BRCC3: variants seen among roughly 807,000 people sequenced by gnomAD.
The protein encoded by BRCC3 is lys-63-specific deubiquitinase BRCC36.
Under a neutral mutation model 28.0 loss-of-function variants are expected in BRCC3, and 15 were observed. The ratio of observed to expected loss-of-function variants is 0.54; its 90% CI spans 0.36 to 0.82. BRCC3 has a LOEUF of 0.82. BRCC3 is among the 40% of genes least tolerant of loss of function. BRCC3 has a pLI of 0.01. For synonymous variants in BRCC3, 66 were observed against 80.3 expected (o/e 0.82, Z 0.95); for missense variants, 109 against 225.9 (o/e 0.48, Z 3.32).
chrX:155,108,559 T>C lies in BRCC3; in HGVS notation c.549-7498T>C, dbSNP rs1405433382. 1.1e-4 allele frequency among the ~76,000 whole-genome samples: 12 copies of C among 112,408 alleles called. No homozygotes were observed. The Admixed American group carries it at 1.1e-3, about 11-fold the overall frequency. ...AACAGCTTCACTGACAATTAGTATTTTCTGACTTTTTCATTTTTTGCAGTT... is the reference window on the plus strand; with the variant it reads ...AACAGCTTCACTGACAATTAGTATTCTCTGACTTTTTCATTTTTTGCAGTT... On this transcript the variant is annotated intron_variant, in intron 7 of 10. Coordinates refer to ENST00000330045, the MANE Select transcript of BRCC3 (RefSeq NM_001018055.3).
At chrX:155,113,995 A>G (rs2074338588) in intron 7 of BRCC3, among the ~76,000 whole-genome samples, 1 of 111,587 alleles carries the variant, frequency 9.0e-6, no homozygotes, top group Admixed American at 9.5e-5. Flanking sequence ...AATATGGAGG[A>G]GTTGGAGCCC....
At chrX:155,088,352 C>CT (rs781981831) in intron 5 of BRCC3, among the ~76,000 whole-genome samples, 3,674 of 90,196 alleles carry the variant, frequency 0.041, 99 homozygotes, top group African/African-American at 0.062. Context: ...TAGTTTTTGG[C>CT]TTTTTTTTTT....
intron 5 of BRCC3, among the ~76,000 whole-genome samples, chrX:155,080,799 G>A (rs1305920471): frequency 1.8e-5 from 2 of 111,902 alleles, no homozygotes; most frequent in Non-Finnish European, 3.8e-5. Flanking sequence ...AAAGAACATA[G>A]TCTCAGAGTT....
intron 1 of BRCC3, 83 bp downstream of exon 1, chrX:155,071,733 C>T (rs2073984057): frequency 2.8e-6 from 3 of 1,058,669 alleles, no homozygotes; most frequent in Admixed American, 5.4e-5. Context: ...GCTCCCAGGG[C>T]TGCGGAGGCC....
chrX:155,085,394 T>C (rs1423587417), intron 5 of BRCC3, among the ~76,000 whole-genome samples: 4 of 112,552 alleles, frequency 3.6e-5, no homozygotes, highest in African/African-American at 9.7e-5. Flanking sequence ...GCCCAGTGCA[T>C]GTGACATTCA....
intron 4 of BRCC3, among the ~76,000 whole-genome samples, chrX:155,078,413 ATG>A (rs2074061928): frequency 8.9e-6 from 1 of 112,190 alleles, no homozygotes; most frequent in African/African-American, 3.2e-5. Flanking sequence ...GTAAGTATAT[ATG>A]GCATTGGAAA....
At chrX:155,105,417 A>C (rs1314962403) in intron 7 of BRCC3, among the ~76,000 whole-genome samples, 1 of 111,610 alleles carries the variant, frequency 9.0e-6, no homozygotes, top group African/African-American at 3.3e-5. Context: ...CGGGAGGCGG[A>C]GGTTGCAGTG....
chrX:155,090,732 A>G, intron 6 of BRCC3, 52 bp from the exon 7 acceptor site: 2 of 1,011,328 alleles, frequency 2.0e-6, no homozygotes, highest in Non-Finnish European at 2.7e-6. Flanking sequence ...GTCTTTTTCA[A>G]TATTAATCTT....
At chrX:155,083,818 G>A (rs2074100827) in intron 5 of BRCC3, among the ~76,000 whole-genome samples, 1 of 112,621 alleles carries the variant, frequency 8.9e-6, no homozygotes, top group African/African-American at 3.2e-5. Context: ...CATTGACACT[G>A]TCAGGTACTC....
At position 155,074,963 on chromosome X, in the gene BRCC3, C is replaced by T. The variant is rs782108778; in HGVS notation, c.195+1532C>T. On this transcript the variant is annotated intron_variant, in intron 3 of 10. Transcript: ENST00000330045. ...AAAAAAAGAAATATCATGTGAGCCA[C>T]GAATGTGATCCATATACATAATTTT... 1.2e-4 allele frequency among the ~76,000 whole-genome samples: 13 copies of T among 111,764 alleles called. No individual in the cohort carries two copies. In the South Asian group the frequency reaches 1.8e-3, roughly 16 times the overall value.
chrX:155,092,161 T>C (rs1557295747), intron 7 of BRCC3, among the ~76,000 whole-genome samples: 1 of 112,151 alleles, frequency 8.9e-6, no homozygotes, highest in East Asian at 2.8e-4. Flanking sequence ...TTCTTATTTA[T>C]TATTGTGTTA....
intron 7 of BRCC3, among the ~76,000 whole-genome samples, chrX:155,092,700 A>G (rs1440819405): frequency 2.7e-5 from 3 of 110,712 alleles, no homozygotes; most frequent in African/African-American, 9.9e-5. Flanking sequence ...GAAACCCACT[A>G]TCCTCTTACC....
chrX:155,108,089 G>A (rs2074296523), intron 7 of BRCC3, among the ~76,000 whole-genome samples: 1 of 111,800 alleles, frequency 8.9e-6, no homozygotes, highest in South Asian at 3.7e-4. Context: ...CAGCCCTCCA[G>A]AAGCCTCCTT....
In BRCC3 at chrX:155,105,448, C is replaced by A. The variant is rs10465413; in HGVS notation, c.549-10609C>A. On this transcript the variant is annotated intron_variant, in intron 7 of 10. Coordinates refer to ENST00000330045, the MANE Select transcript of BRCC3 (RefSeq NM_001018055.3). ...CAGTGAGCCGAGATTGTGCCACTGC[C>A]CTCCAGCCTGGGCGACAGAGTGAGG... Among the ~76,000 whole-genome samples, 2,903 of 110,956 alleles carry A rather than the reference C, an allele frequency of 0.026. 249 individuals carry two copies. In the East Asian group the frequency reaches 0.42, roughly 16 times the overall value.
At chrX:155,105,262 C>T (rs1446597751) in intron 7 of BRCC3, among the ~76,000 whole-genome samples, 1 of 111,584 alleles carries the variant, frequency 9.0e-6, no homozygotes, top group Non-Finnish European at 1.9e-5. Context: ...GCGCGTGGAT[C>T]ACTTGAGGTC....
chrX:155,086,719 A>C (rs1557294929), intron 5 of BRCC3, among the ~76,000 whole-genome samples: 2 of 110,868 alleles, frequency 1.8e-5, no homozygotes, highest in African/African-American at 6.6e-5. Flanking sequence ...CGTGCAAAGC[A>C]CCCCCATCCC....
chrX:155,076,292 G>C (rs782148613), intron 3 of BRCC3, among the ~76,000 whole-genome samples: 1 of 111,305 alleles, frequency 9.0e-6, no homozygotes, highest in South Asian at 3.8e-4. Flanking sequence ...AGGAGGCTGA[G>C]GTGGGAGAAT....
intron 5 of BRCC3, among the ~76,000 whole-genome samples, chrX:155,081,766 G>A (rs1315636580): frequency 9.0e-6 from 1 of 111,688 alleles, no homozygotes; most frequent in African/African-American, 3.3e-5. Flanking sequence ...GTTCCAGTGG[G>A]CTAGGTAACA....
At chrX:155,105,229 TC>T (rs2074271840) in intron 7 of BRCC3, among the ~76,000 whole-genome samples, 1 of 112,142 alleles carries the variant, frequency 8.9e-6, no homozygotes, top group Non-Finnish European at 1.9e-5. Flanking sequence ...ATGTCTGTAA[TC>T]CCAGCACTTT....
Sources: gnomAD v4.1 joint callset for allele counts (sites outside exome capture counted in the v4.1 genomes callset) on GRCh38, gnomAD v4.1.1 for gene constraint, MANE v1.5 for transcripts, NCBI Gene and HGNC (gene_info 2026-07-23, HGNC 2026-07-21) for gene names.